Variants in GNA14 observed in about 807,000 individuals in gnomAD.
The protein encoded by GNA14 is guanine nucleotide-binding protein subunit alpha-14.
Under a neutral mutation model 42.0 loss-of-function variants are expected in GNA14, and 50 were observed. The observed-to-expected ratio is 1.19, with a 90% CI of 0.95 to 1.51. GNA14 has a LOEUF of 1.51. Among genes scored for constraint, GNA14 ranks in the 40% most tolerant of loss-of-function variants. GNA14 has a pLI of 0.00. For synonymous variants in GNA14, 173 were observed against 163.1 expected (o/e 1.06, Z -0.46); for missense variants, 473 against 446.2 (o/e 1.06, Z -0.54).
chr9:77,598,282 G>A (rs1411552952), intron 1 of GNA14, among the ~76,000 whole-genome samples: 7 of 152,100 alleles, frequency 4.6e-5, no homozygotes, highest in Admixed American at 2.6e-4. Context: ...CATACCTAGG[G>A]AAGAATGGGG....
chr9:77,540,515 A>G (rs764365519), intron 1 of GNA14, among the ~76,000 whole-genome samples: 21 of 152,084 alleles, frequency 1.4e-4, no homozygotes, highest in Non-Finnish European at 2.5e-4. Context: ...ATTGAATCCA[A>G]TGTTTCTTTG....
At chr9:77,605,508 C>CT (rs1823632878) in intron 1 of GNA14, among the ~76,000 whole-genome samples, 1 of 152,188 alleles carries the variant, frequency 6.6e-6, no homozygotes, top group Non-Finnish European at 1.5e-5. Flanking sequence ...CCTGACCCTC[C>CT]TCTAAACCAG....
chr9:77,632,676 G>A (rs1426821500), intron 1 of GNA14, among the ~76,000 whole-genome samples: 3 of 152,148 alleles, frequency 2.0e-5, no homozygotes, highest in Non-Finnish European at 4.4e-5. Context: ...CCCAGTGCCA[G>A]CAGTGGAAGC....
rs560930421 is a variant in GNA14, at chr9:77,580,641, C to T, written c.125-51388G>A. 35 of 384,790 alleles carry T rather than the reference C, an allele frequency of 9.1e-5. 1 individual carries two copies. In the South Asian group the frequency reaches 1.0e-3, roughly 11 times the overall value. The allele number at this position is 384,790 out of a possible 1,614,324, so 23.8% of individuals were successfully genotyped here. On this transcript the variant is annotated intron_variant, in intron 1 of 6. Coordinates refer to ENST00000341700, the MANE Select transcript of GNA14 (RefSeq NM_004297.4). ...TCACTTCGGCTGACCTCCTCTCAGC[C>T]AGGCACTCACACTGTTTCCTCCTCA...
In GNA14 at chr9:77,555,495, C is replaced by T. The variant is rs529570652; in HGVS notation, c.125-26242G>A. 9.9e-5 allele frequency among the ~76,000 whole-genome samples: 15 copies of T among 152,152 alleles called. No homozygotes were observed. The East Asian group carries it at 2.9e-3, about 29-fold the overall frequency. On this transcript the variant is annotated intron_variant, in intron 1 of 6. Coordinates refer to ENST00000341700, the MANE Select transcript of GNA14 (RefSeq NM_004297.4). ...CTCCAACCTGGGTGACAGAGTGAGA[C>T]CCAATCACAAAAAAAGAAAAACATC...
intron 5 of GNA14, among the ~76,000 whole-genome samples, chr9:77,426,276 GAT>G: frequency 6.7e-6 from 1 of 150,004 alleles, no homozygotes; most frequent in African/African-American, 2.5e-5. Context: ...TGGCCCGTTT[GAT>G]GGGTGACCAT....
intron 2 of GNA14, among the ~76,000 whole-genome samples, chr9:77,501,678 T>G (rs531639513): frequency 3.7e-4 from 57 of 152,024 alleles, no homozygotes; most frequent in African/African-American, 1.3e-3. Flanking sequence ...AATCTTAAAG[T>G]TGACTTTTTC....
intron 1 of GNA14, among the ~76,000 whole-genome samples, chr9:77,541,824 G>A (rs1837664771): frequency 6.6e-6 from 1 of 152,026 alleles, no homozygotes; most frequent in African/African-American, 2.4e-5. Context: ...CAAGTCTACT[G>A]TTAAAGCTTT....
At chr9:77,635,686 T>G (rs1824173692) in intron 1 of GNA14, among the ~76,000 whole-genome samples, 1 of 152,248 alleles carries the variant, frequency 6.6e-6, no homozygotes, top group Non-Finnish European at 1.5e-5. Context: ...TGGTGGCATT[T>G]GCTTTTCTGA....
intron 1 of GNA14, among the ~76,000 whole-genome samples, chr9:77,603,588 T>A (rs1272777691): frequency 6.6e-6 from 1 of 152,104 alleles, no homozygotes; most frequent in Non-Finnish European, 1.5e-5. Context: ...AAGAGCATTC[T>A]TAAACTGAGA....
At chr9:77,616,127 T>C (rs1006739306) in intron 1 of GNA14, among the ~76,000 whole-genome samples, 8 of 152,226 alleles carry the variant, frequency 5.3e-5, no homozygotes, top group Non-Finnish European at 7.3e-5. Flanking sequence ...ACCCAGACAC[T>C]GGCTACCATA....
intron 2 of GNA14, among the ~76,000 whole-genome samples, chr9:77,481,127 T>G (rs985927665): frequency 1.1e-4 from 17 of 151,972 alleles, no homozygotes; most frequent in South Asian, 2.1e-4. Context: ...TCTAGTTCTT[T>G]TAATTGTGAT....
At chr9:77,578,939 C>T (rs569068494) in intron 1 of GNA14, among the ~76,000 whole-genome samples, 7 of 152,270 alleles carry the variant, frequency 4.6e-5, no homozygotes, top group African/African-American at 1.7e-4. Context: ...ACTTGTGGGC[C>T]TAACCAATGC....
chr9:77,627,754 G>A (rs1824033778), intron 1 of GNA14, among the ~76,000 whole-genome samples: 1 of 152,184 alleles, frequency 6.6e-6, no homozygotes, highest in East Asian at 1.9e-4. Context: ...AAAATAATAA[G>A]AGCTATTTAT....
chr9:77,545,193 C>A (rs1251380733), intron 1 of GNA14, among the ~76,000 whole-genome samples: 2 of 152,142 alleles, frequency 1.3e-5, no homozygotes, highest in African/African-American at 4.8e-5. Flanking sequence ...AACTACAGTA[C>A]CTAAACCACC....
At chr9:77,482,705 A>C (rs1836577785) in intron 2 of GNA14, among the ~76,000 whole-genome samples, 1 of 152,046 alleles carries the variant, frequency 6.6e-6, no homozygotes, top group Admixed American at 6.5e-5. Context: ...TCAGACCTAG[A>C]TTTGGTCTTT....
intron 1 of GNA14, among the ~76,000 whole-genome samples, chr9:77,560,286 C>CTTTTTTTTT (rs770870060): frequency 8.4e-6 from 1 of 119,556 alleles, no homozygotes; most frequent in African/African-American, 3.4e-5. Flanking sequence ...CCTCTCCAGT[C>CTTTTTTTTT]TTTTTTTTTT....
At chr9:77,491,727 C>T (rs1283112708) in intron 2 of GNA14, among the ~76,000 whole-genome samples, 2 of 152,210 alleles carry the variant, frequency 1.3e-5, no homozygotes, top group Non-Finnish European at 2.9e-5. Context: ...CGTACTTCAA[C>T]ATCCCACTCT....
In GNA14 at chr9:77,535,077, G is replaced by C. The variant is rs533503690; in HGVS notation, c.125-5824C>G. On this transcript the variant is annotated intron_variant, in intron 1 of 6. Transcript: ENST00000341700. ...AGAAAATTCCTTTTGTAATCTTTAG[G>C]AAGGAGCGTTTCTCAGCAGCAAAGA... 2.6e-5 allele frequency among the ~76,000 whole-genome samples: 4 copies of C among 152,292 alleles called. No individual in the cohort carries two copies. In the East Asian group the frequency reaches 7.7e-4, roughly 29 times the overall value.
Sources: gnomAD v4.1 joint callset for allele counts (sites outside exome capture counted in the v4.1 genomes callset) on GRCh38, gnomAD v4.1.1 for gene constraint, MANE v1.5 for transcripts, NCBI Gene and HGNC (gene_info 2026-07-23, HGNC 2026-07-21) for gene names.